Variants in HAAO observed in about 807,000 individuals in gnomAD.
HAAO encodes 3-hydroxyanthranilate 3,4-dioxygenase.
Under a neutral mutation model 46.2 loss-of-function variants are expected in HAAO, and 49 were observed. That is an observed-to-expected ratio of 1.06 (90% CI 0.84 to 1.34). HAAO has a LOEUF of 1.34. HAAO is among the 40% of genes most tolerant of loss of function. The pLI is 0.00. For missense variants in HAAO, 408 were observed against 364.5 expected (o/e 1.12, Z -0.97); for synonymous variants, 157 against 145.2 (o/e 1.08, Z -0.58).
chr2:42,775,485 C>G (rs1182273933), intron 4 of HAAO, among the ~76,000 whole-genome samples: 3 of 151,988 alleles, frequency 2.0e-5, no homozygotes, highest in Middle Eastern at 3.4e-3. Context: ...TTTAAAGGAG[C>G]TCAATGGTTA....
At chr2:42,772,602 T>A (rs1047000429) in intron 4 of HAAO, among the ~76,000 whole-genome samples, 32 of 152,304 alleles carry the variant, frequency 2.1e-4, no homozygotes, top group African/African-American at 7.5e-4. Context: ...CAGGACAATT[T>A]TTTTTGTTTT....
intron 1 of HAAO, among the ~76,000 whole-genome samples, chr2:42,790,193 C>T (rs1302222623): frequency 1.3e-5 from 2 of 152,166 alleles, no homozygotes; most frequent in African/African-American, 2.4e-5. Flanking sequence ...CAGTCTCTTT[C>T]CTTTTCCTTC....
intron 4 of HAAO, among the ~76,000 whole-genome samples, chr2:42,776,316 T>C (rs1261183162): frequency 6.9e-6 from 1 of 145,032 alleles, no homozygotes. Context: ...CTCGACTCAC[T>C]GCAACCTCTG....
At chr2:42,769,427 A>T (rs1482455972) in intron 7 of HAAO, among the ~76,000 whole-genome samples, 1 of 152,156 alleles carries the variant, frequency 6.6e-6, no homozygotes, top group African/African-American at 2.4e-5. Flanking sequence ...GAGTGGGGGA[A>T]CCTCCAACTC....
chr2:42,770,061 C>T, intron 6 of HAAO, 82 bp downstream of exon 6: 1 of 1,353,700 alleles, frequency 7.4e-7, no homozygotes. Flanking sequence ...CAAAAAGAGA[C>T]TCCCCGGTCC....
intron 8 of HAAO, 24 bp from the exon 9 acceptor site, chr2:42,767,701 C>G: frequency 2.6e-6 from 4 of 1,565,166 alleles, no homozygotes; most frequent in Non-Finnish European, 3.5e-6. Flanking sequence ...GCAGGAGAAT[C>G]AAATGGAGAC....
chr2:42,767,353 T>C lies in HAAO; in HGVS notation c.*84A>G, dbSNP rs1670738028. 6.7e-6 allele frequency: 6 copies of C among 892,872 alleles called. No individual in the cohort carries two copies. The highest frequency in any genetic ancestry group is 1.1e-5 in the Non-Finnish European group (6 of 541,132). 55.3% of individuals were successfully genotyped at this position (892,872 alleles called of 1,614,324 possible). The stretch of plus-strand genomic sequence containing the variant: ...ACAGCGGCAGTACACAGAGAGGTAG[T>C]GGGGGCTGGGAGAGTTGTTTGGCAG... On this transcript the variant is annotated 3_prime_UTR_variant, in exon 10 of 10. Coordinates refer to ENST00000294973, the MANE Select transcript of HAAO (RefSeq NM_012205.3).
chr2:42,773,391 C>A (rs888156377), intron 4 of HAAO, among the ~76,000 whole-genome samples: 1 of 151,858 alleles, frequency 6.6e-6, no homozygotes, highest in Non-Finnish European at 1.5e-5. Flanking sequence ...GGCCGTGATT[C>A]TAAATTCTGG....
At chr2:42,770,628 G>T (rs1271858576) in intron 4 of HAAO, 46 bp from the exon 5 acceptor site, 2 of 1,320,444 alleles carry the variant, frequency 1.5e-6, no homozygotes, top group South Asian at 1.4e-5. Context: ...CATCTGGGTG[G>T]CTTCAGGGCA....
intron 4 of HAAO, among the ~76,000 whole-genome samples, chr2:42,781,195 A>G (rs1387594943): frequency 2.0e-5 from 3 of 152,222 alleles, no homozygotes; most frequent in African/African-American, 7.2e-5. Context: ...AACTTATGGC[A>G]ATACAGTTAT....
At chr2:42,792,205 A>G (rs1404104068) in intron 1 of HAAO, among the ~76,000 whole-genome samples, 1 of 152,144 alleles carries the variant, frequency 6.6e-6, no homozygotes, top group African/African-American at 2.4e-5. Context: ...GCACCCTGTC[A>G]TGTCATCTCC....
intron 4 of HAAO, among the ~76,000 whole-genome samples, chr2:42,779,565 C>A (rs1335221433): frequency 6.6e-6 from 1 of 152,196 alleles, no homozygotes; most frequent in African/African-American, 2.4e-5. Flanking sequence ...CGTGATCCCC[C>A]CACCTCGGCC....
intron 4 of HAAO, 101 bp from the exon 5 acceptor site, chr2:42,770,683 C>T (rs867025080): frequency 4.1e-5 from 28 of 677,338 alleles, no homozygotes; most frequent in African/African-American, 3.8e-4. Context: ...CCTGCAGAGC[C>T]CTGCTGTCTG....
intron 4 of HAAO, among the ~76,000 whole-genome samples, chr2:42,772,946 A>AAC (rs1671253983): frequency 6.6e-6 from 1 of 151,856 alleles, no homozygotes; most frequent in African/African-American, 2.4e-5. Flanking sequence ...AAAAAAAAAA[A>AAC]AAAAAAAACC....
intron 4 of HAAO, among the ~76,000 whole-genome samples, chr2:42,774,665 A>G (rs1671403126): frequency 6.6e-6 from 1 of 152,086 alleles, no homozygotes; most frequent in South Asian, 2.1e-4. Context: ...ATCCCTAGGT[A>G]AGTAGCTGAA....
At chr2:42,784,519 G>C in intron 2 of HAAO, among the ~76,000 whole-genome samples, 1 of 101,428 alleles carries the variant, frequency 9.9e-6, no homozygotes, top group Admixed American at 9.5e-5. Flanking sequence ...TCCTGGGGGT[G>C]GGGGGAGGTG....
chr2:42,785,890 A>T (rs1344203403), intron 2 of HAAO, among the ~76,000 whole-genome samples: 1 of 152,120 alleles, frequency 6.6e-6, no homozygotes, highest in Non-Finnish European at 1.5e-5. Context: ...CACAAACATG[A>T]ACAAACAAAA....
At chr2:42,789,604 C>T (rs1467793494) in intron 1 of HAAO, among the ~76,000 whole-genome samples, 2 of 152,076 alleles carry the variant, frequency 1.3e-5, no homozygotes, top group Non-Finnish European at 2.9e-5. Context: ...CAATACAACC[C>T]TCTCATTTTA....
chr2:42,770,012 T>C (rs1670982641), intron 6 of HAAO, 131 bp downstream of exon 6: 3 of 1,118,230 alleles, frequency 2.7e-6, no homozygotes, highest in Admixed American at 2.2e-5. Flanking sequence ...TACCATTGGC[T>C]GCCATCTTCT....
Sources: gnomAD v4.1 joint callset for allele counts (sites outside exome capture counted in the v4.1 genomes callset) on GRCh38, gnomAD v4.1.1 for gene constraint, MANE v1.5 for transcripts, NCBI Gene and HGNC (gene_info 2026-07-23, HGNC 2026-07-21) for gene names.